The following KCTD16 variants were observed in gnomAD, a reference collection of about 807,000 sequenced individuals.
KCTD16 encodes BTB/POZ domain-containing protein KCTD16.
A neutral mutation model predicts 33.2 loss-of-function variants in KCTD16; 13 were observed. That is an observed-to-expected ratio of 0.39 (90% CI 0.25 to 0.62). The LOEUF (loss-of-function observed/expected upper bound fraction) is 0.62, where lower values mean the gene tolerates loss of function less well. Ranked by LOEUF, KCTD16 falls within the 20% of genes least tolerant of loss-of-function variation. KCTD16 has a pLI of 0.50. For missense variants in KCTD16, 441 were observed against 525.1 expected (o/e 0.84, Z 1.57); for synonymous variants, 197 against 195.3 (o/e 1.01, Z -0.07).
chr5:144,417,031 G>C (rs1397365967), intron 3 of KCTD16, among the ~76,000 whole-genome samples: 2 of 152,116 alleles, frequency 1.3e-5, no homozygotes, highest in African/African-American at 2.4e-5. Flanking sequence ...TCCTTGACGA[G>C]ATTTAGGCTA....
At chr5:144,193,067 A>T (rs1334376651) in intron 2 of KCTD16, among the ~76,000 whole-genome samples, 1 of 152,182 alleles carries the variant, frequency 6.6e-6, no homozygotes, top group East Asian at 1.9e-4. Context: ...GCTTTTCCTC[A>T]TGTATTCTAC....
chr5:144,360,899 GT>G (rs1751697080), intron 3 of KCTD16, among the ~76,000 whole-genome samples: 1 of 151,344 alleles, frequency 6.6e-6, no homozygotes, highest in Non-Finnish European at 1.5e-5. Context: ...TTTTTTGGAA[GT>G]TTTTATTATT....
At chr5:144,189,578 A>G (rs552431266) in intron 2 of KCTD16, among the ~76,000 whole-genome samples, 1 of 152,300 alleles carries the variant, frequency 6.6e-6, no homozygotes, top group South Asian at 2.1e-4. Flanking sequence ...GAATTCATGA[A>G]TTTTGTGAAT....
chr5:144,301,268 G>A (rs1265361786), intron 3 of KCTD16, among the ~76,000 whole-genome samples: 3 of 149,486 alleles, frequency 2.0e-5, no homozygotes, highest in South Asian at 2.1e-4. Flanking sequence ...AAAAGATCGT[G>A]AAGGACATTG....
chr5:144,396,083 G>T (rs557572771), intron 3 of KCTD16, among the ~76,000 whole-genome samples: 1 of 152,082 alleles, frequency 6.6e-6, no homozygotes, highest in Non-Finnish European at 1.5e-5. Context: ...GATTTTGGGG[G>T]TGGATGACAT....
intron 3 of KCTD16, among the ~76,000 whole-genome samples, chr5:144,313,933 T>C (rs1195427639): frequency 6.6e-6 from 1 of 152,180 alleles, no homozygotes; most frequent in East Asian, 1.9e-4. Flanking sequence ...TATATTATCA[T>C]TGATGAATAT....
At chr5:144,336,937 G>T (rs1358326388) in intron 3 of KCTD16, among the ~76,000 whole-genome samples, 1 of 151,684 alleles carries the variant, frequency 6.6e-6, no homozygotes, top group East Asian at 1.9e-4. Flanking sequence ...AGTCTGTGTG[G>T]ATGGGTGTCA....
chr5:144,420,565 A>G (rs530292156), intron 3 of KCTD16, among the ~76,000 whole-genome samples: 7 of 152,130 alleles, frequency 4.6e-5, no homozygotes, highest in African/African-American at 1.7e-4. Flanking sequence ...TTCAGAGGCC[A>G]TGGTTATAAT....
At chr5:144,410,972 T>A (rs1752919284) in intron 3 of KCTD16, among the ~76,000 whole-genome samples, 1 of 152,164 alleles carries the variant, frequency 6.6e-6, no homozygotes, top group South Asian at 2.1e-4. Flanking sequence ...TATATTAAGA[T>A]ATAGTGTTTT....
intron 3 of KCTD16, among the ~76,000 whole-genome samples, chr5:144,208,083 A>G (rs1753248520): frequency 6.6e-6 from 1 of 152,116 alleles, no homozygotes; most frequent in African/African-American, 2.4e-5. Context: ...TGCTCCCCCC[A>G]AGTCTAAATT....
chr5:144,269,985 T>C (rs1755250311), intron 3 of KCTD16, among the ~76,000 whole-genome samples: 1 of 151,922 alleles, frequency 6.6e-6, no homozygotes, highest in African/African-American at 2.4e-5. Flanking sequence ...GTATAGAATA[T>C]ACACGAAAAG....
intron 2 of KCTD16, among the ~76,000 whole-genome samples, chr5:144,193,182 A>C (rs544966216): frequency 6.6e-6 from 1 of 152,176 alleles, no homozygotes; most frequent in Non-Finnish European, 1.5e-5. Flanking sequence ...TGTTATCCCC[A>C]TATCAGCCAA....
chr5:144,452,526 G>A (rs939181128), intron 3 of KCTD16, among the ~76,000 whole-genome samples: 4 of 152,000 alleles, frequency 2.6e-5, no homozygotes, highest in Non-Finnish European at 4.4e-5. Context: ...AAATAGGGAC[G>A]AGAAAGAGCA....
intron 3 of KCTD16, among the ~76,000 whole-genome samples, chr5:144,344,285 G>A (rs1248001661): frequency 6.6e-6 from 1 of 151,710 alleles, no homozygotes; most frequent in Non-Finnish European, 1.5e-5. Context: ...TTACCATTCA[G>A]GACATAGGCA....
chr5:144,315,457 G>A (rs1444611178), intron 3 of KCTD16, among the ~76,000 whole-genome samples: 4 of 151,848 alleles, frequency 2.6e-5, no homozygotes, highest in Non-Finnish European at 4.4e-5. Context: ...TATACTTCTT[G>A]TTGTAAAAGT....
At chr5:144,184,885 T>C (rs371122530) in intron 2 of KCTD16, among the ~76,000 whole-genome samples, 1 of 147,102 alleles carries the variant, frequency 6.8e-6, no homozygotes, top group African/African-American at 2.5e-5. Flanking sequence ...ACTTCCTCTG[T>C]CTACAGAAAA....
chr5:144,186,210 G>C (rs772476633), intron 2 of KCTD16, among the ~76,000 whole-genome samples: 1 of 152,078 alleles, frequency 6.6e-6, no homozygotes, highest in Non-Finnish European at 1.5e-5. Context: ...TTGCTACCAG[G>C]AAAGACAGCA....
chr5:144,428,505 G>A (rs1753385701), intron 3 of KCTD16, among the ~76,000 whole-genome samples: 1 of 152,126 alleles, frequency 6.6e-6, no homozygotes, highest in South Asian at 2.1e-4. Context: ...TTTAATTCTT[G>A]TGTGGTTTTG....
intron 3 of KCTD16, among the ~76,000 whole-genome samples, chr5:144,412,816 G>A (rs188260605): frequency 2.0e-4 from 31 of 152,232 alleles, no homozygotes; most frequent in Admixed American, 2.0e-3. Flanking sequence ...AACCTGGGAG[G>A]CAAAGGCTGC....
Sources: allele counts gnomAD v4.1 joint callset (sites outside exome capture counted in the v4.1 genomes callset), GRCh38; gene constraint gnomAD v4.1.1; transcripts MANE v1.5; gene names NCBI Gene and HGNC (gene_info 2026-07-23, HGNC 2026-07-21).